LPP: variants seen among roughly 807,000 people sequenced by gnomAD.
LPP encodes the protein lipoma-preferred partner.
LPP carries 38 observed loss-of-function variants against 60.4 expected under a neutral mutation model. The observed-to-expected ratio is 0.63, with a 90% CI of 0.49 to 0.83. The LOEUF (loss-of-function observed/expected upper bound fraction) is 0.83, where lower values mean the gene tolerates loss of function less well. LPP is among the 40% of genes least tolerant of loss of function. The pLI, the probability that LPP is intolerant of heterozygous loss-of-function variation, is 0.00. For missense variants in LPP, 902 were observed against 783.6 expected, an observed-to-expected ratio of 1.15 and a Z score of -1.80; for synonymous variants, 328 against 290.8, an observed-to-expected ratio of 1.13 and a Z score of -1.30.
intron 9 of LPP, among the ~76,000 whole-genome samples, chr3:188,854,129 C>A (rs1763277077): frequency 6.6e-6 from 1 of 152,114 alleles, no homozygotes. Context: ...GTTAGTCCAC[C>A]ACCCTTTTGC....
intron 9 of LPP, among the ~76,000 whole-genome samples, chr3:188,840,469 A>G (rs1018855369): frequency 9.2e-5 from 14 of 152,160 alleles, no homozygotes; most frequent in Admixed American, 2.0e-4. Context: ...GGCTTCTACC[A>G]TATTGTTTAG....
chr3:188,722,081 A>G (rs555798964), intron 8 of LPP, among the ~76,000 whole-genome samples: 128 of 152,294 alleles, frequency 8.4e-4, no homozygotes, highest in Non-Finnish European at 1.6e-3. Context: ...CCCAAGAATT[A>G]TATTTCCTAG....
chr3:188,563,728 G>GGT (rs1831384556), intron 6 of LPP, among the ~76,000 whole-genome samples: 2 of 145,182 alleles, frequency 1.4e-5, no homozygotes, highest in South Asian at 4.3e-4. Context: ...GTTTTTTTTT[G>GGT]TTTTTTTTTT....
intron 9 of LPP, among the ~76,000 whole-genome samples, chr3:188,795,844 G>T (rs1474177599): frequency 1.3e-5 from 2 of 152,052 alleles, no homozygotes; most frequent in African/African-American, 4.8e-5. Flanking sequence ...ATTCCTATAT[G>T]TGTTTTCTGC....
intron 6 of LPP, among the ~76,000 whole-genome samples, chr3:188,602,542 T>C (rs1422620163): frequency 1.3e-5 from 2 of 152,056 alleles, no homozygotes; most frequent in Non-Finnish European, 2.9e-5. Flanking sequence ...TATGAATCCC[T>C]AATAATGAGA....
intron 4 of LPP, among the ~76,000 whole-genome samples, chr3:188,426,336 T>C (rs1789337236): frequency 6.6e-6 from 1 of 152,218 alleles, no homozygotes; most frequent in African/African-American, 2.4e-5. Flanking sequence ...ATGATTTCTG[T>C]TCTTTTGCAT....
intron 8 of LPP, among the ~76,000 whole-genome samples, chr3:188,749,216 G>T (rs1260732111): frequency 6.6e-6 from 1 of 152,176 alleles, no homozygotes; most frequent in Non-Finnish European, 1.5e-5. Context: ...CTACTAGTGG[G>T]AAGAAACTGA....
chr3:188,512,912 A>C (rs1012134204), intron 5 of LPP, among the ~76,000 whole-genome samples: 1 of 152,224 alleles, frequency 6.6e-6, no homozygotes, highest in Non-Finnish European at 1.5e-5. Flanking sequence ...TGAGGTTTTA[A>C]AAAACAAAAT....
intron 7 of LPP, among the ~76,000 whole-genome samples, chr3:188,674,600 G>T (rs1818554): frequency 0.99 from 150,789 of 152,344 alleles, 74,636 homozygotes; most frequent in East Asian, 1. Context: ...AAAGGAAAAC[G>T]ATTATGTAAG....
chr3:188,318,728 A>G (rs1346848919), intron 2 of LPP, among the ~76,000 whole-genome samples: 1 of 150,788 alleles, frequency 6.6e-6, no homozygotes, highest in Non-Finnish European at 1.5e-5. Context: ...CTTTTGAGGG[A>G]AAAAATTGAA....
At chr3:188,484,777 G>A in intron 5 of LPP, 73 bp downstream of exon 5, 1 of 1,100,922 alleles carries the variant, frequency 9.1e-7, no homozygotes, top group South Asian at 1.3e-5. Context: ...ATCCTAGGGA[G>A]CTCATGAATT....
At chr3:188,373,425 T>A (rs1300403027) in intron 3 of LPP, among the ~76,000 whole-genome samples, 3 of 152,242 alleles carry the variant, frequency 2.0e-5, no homozygotes, top group African/African-American at 7.2e-5. Flanking sequence ...GGTATCTCAT[T>A]GTGGTTTTGA....
At chr3:188,365,672 C>A (rs1265425909) in intron 3 of LPP, among the ~76,000 whole-genome samples, 4 of 148,464 alleles carry the variant, frequency 2.7e-5, no homozygotes, top group Non-Finnish European at 6.0e-5. Flanking sequence ...GTCTTTCTTT[C>A]TTTCTTTTCT....
intron 2 of LPP, among the ~76,000 whole-genome samples, chr3:188,266,692 T>A (rs1047432127): frequency 5.9e-5 from 9 of 152,210 alleles, no homozygotes; most frequent in African/African-American, 2.2e-4. Flanking sequence ...GAGTCCTTTT[T>A]TAAACCCGGG....
chr3:188,355,926 A>G (rs1767484066), intron 3 of LPP, among the ~76,000 whole-genome samples: 1 of 152,166 alleles, frequency 6.6e-6, no homozygotes, highest in African/African-American at 2.4e-5. Flanking sequence ...ACCTCACACA[A>G]AGGCGGCTAT....
At chr3:188,288,813 C>CT (rs1744939961) in intron 2 of LPP, among the ~76,000 whole-genome samples, 1 of 44,520 alleles carries the variant, frequency 2.2e-5, no homozygotes, top group African/African-American at 1.9e-4. Context: ...CTCTCTCCAC[C>CT]CCCCACCCCC....
chr3:188,595,495 C>T (rs1194831610), intron 6 of LPP, among the ~76,000 whole-genome samples: 1 of 152,194 alleles, frequency 6.6e-6, no homozygotes, highest in Non-Finnish European at 1.5e-5. Context: ...TGCCATGGAG[C>T]TTGGTCACCT....
Position 188,874,863 on chromosome 3 carries a change from A to C in LPP, c.*384A>C. 4.1e-6 allele frequency: 1 copy of C among 242,084 alleles called. No homozygotes were observed. Among genetic ancestry groups the C allele is most frequent in the Non-Finnish European group, 8.2e-6 (1 of 122,644 alleles). The allele number at this position is 242,084 out of a possible 1,614,324, so 15.0% of individuals were successfully genotyped here. A position where few individuals can be genotyped will look rare whatever the true frequency, so the allele number is the denominator to read the frequency against. On this transcript the variant is annotated 3_prime_UTR_variant, in exon 12 of 12. Transcript: ENST00000617246. ...TTCCTGGGTGAGTCTGCCAACTCAC[A>C]GGTGCTTTTAGGCTTGAAATCTCCA...
At chr3:188,383,077 G>A (rs929011774) in intron 3 of LPP, among the ~76,000 whole-genome samples, 6 of 152,200 alleles carry the variant, frequency 3.9e-5, no homozygotes, top group African/African-American at 1.4e-4. Flanking sequence ...CCTATTCAGT[G>A]CTCTGCACTA....
Sources: gnomAD v4.1 joint callset for allele counts (sites outside exome capture counted in the v4.1 genomes callset) on GRCh38, gnomAD v4.1.1 for gene constraint, MANE v1.5 for transcripts, NCBI Gene and HGNC (gene_info 2026-07-23, HGNC 2026-07-21) for gene names.